Variants in ZBTB4 observed in about 807,000 individuals in gnomAD.
ZBTB4 encodes the protein zinc finger and BTB domain-containing protein 4.
Under a neutral mutation model 59.8 loss-of-function variants are expected in ZBTB4, and 14 were observed. The ratio of observed to expected loss-of-function variants is 0.23; its 90% CI spans 0.15 to 0.37. ZBTB4 has a LOEUF of 0.37. ZBTB4 is among the 10% of genes least tolerant of loss of function. The pLI is 1.00. For missense variants in ZBTB4, 1,198 were observed against 1,380.8 expected, an observed-to-expected ratio of 0.87 and a Z score of 2.10; for synonymous variants, 587 against 575.2, an observed-to-expected ratio of 1.02 and a Z score of -0.29.
chr17:7,466,844 C>CA lies in ZBTB4; in HGVS notation c.-9-35dup. 3 of 1,487,942 alleles carry CA rather than the reference C, an allele frequency of 2.0e-6. No homozygotes were observed. In the South Asian group the frequency reaches 3.9e-5, roughly 19 times the overall value. 92.2% of individuals were successfully genotyped at this position (1,487,942 alleles called of 1,614,324 possible). A position where few individuals can be genotyped will look rare whatever the true frequency, so the allele number is the denominator to read the frequency against. On this transcript the variant is annotated intron_variant, in intron 2 of 3. Transcript: ENST00000380599. The surrounding 1 kb of genome is among the most constrained non-coding windows in gnomAD (Gnocchi z 9.1). ...TGGGAGAAGAGGCCGGGTAGAGTCTCAGAGGCTGGGCAGAGGGCAGGGGCT... is the reference window on the plus strand; with the variant it reads ...TGGGAGAAGAGGCCGGGTAGAGTCTCAAGAGGCTGGGCAGAGGGCAGGGGCT...
chr17:7,472,523 G>T (rs2070212067), intron 1 of ZBTB4, among the ~76,000 whole-genome samples: 1 of 151,124 alleles, frequency 6.6e-6, no homozygotes, highest in Admixed American at 6.6e-5. Context: ...TAGAGGTGGG[G>T]TTTCACCATG....
At chr17:7,473,680 C>CT (rs1376902910) in intron 1 of ZBTB4, among the ~76,000 whole-genome samples, 2 of 151,886 alleles carry the variant, frequency 1.3e-5, no homozygotes, top group Admixed American at 1.3e-4. Flanking sequence ...TTCTGAGTAG[C>CT]TGGGACTACA....
intron 1 of ZBTB4, among the ~76,000 whole-genome samples, chr17:7,474,237 A>C (rs2070238808): frequency 1.5e-4 from 1 of 6,738 alleles, no homozygotes; most frequent in Admixed American, 1.3e-3. Flanking sequence ...TTTTTTTGAC[A>C]TGAGGTCTTG....
At chr17:7,468,051 C>T (rs543753470) in intron 1 of ZBTB4, among the ~76,000 whole-genome samples, 1 of 152,348 alleles carries the variant, frequency 6.6e-6, no homozygotes, top group African/African-American at 2.4e-5. Flanking sequence ...ACTCCTACCT[C>T]ACCTCTTGCT....
chr17:7,462,129 G>C lies in ZBTB4; in HGVS notation c.2853C>G (p.Val951=). 6.2e-7 allele frequency: 1 copy of C among 1,613,692 alleles called. No homozygotes were observed. The highest frequency in any genetic ancestry group is 8.5e-7 in the Non-Finnish European group (1 of 1,179,820). Residue 951 remains valine (V), a synonymous_variant, in exon 4 of 4, where the codon GTC becomes GTG. Coordinates refer to ENST00000380599, the MANE Select transcript of ZBTB4 (RefSeq NM_001128833.2). The surrounding 1 kb of genome is among the most constrained non-coding windows in gnomAD (Gnocchi z 7.5). ...LAALPVALNM[V]LPDEKGAGAL... is the part of the protein sequence containing the mutation. ...CCCCCGCACCCTTCTCATCAGGTAG[G>C]ACCATGTTGAGAGCAACCGGGAGAG...
At position 7,460,205 on chromosome 17, in the gene ZBTB4, T is replaced by A. The variant is rs988973640; in HGVS notation, c.*1735A>T. 1.3e-5 allele frequency: 2 copies of A among 152,602 alleles called. No homozygotes were observed. The highest frequency in any genetic ancestry group is 4.8e-5 in the African/African-American group (2 of 41,438). 9.5% of individuals were successfully genotyped at this position (152,602 alleles called of 1,614,324 possible). Reference sequence around the variant, plus strand: ...TCAGTAGGAAATTCGTCACTCAGGCTGTGGCCAAGACCAAGAAAAGTGCAA... The same window carrying A: ...TCAGTAGGAAATTCGTCACTCAGGCAGTGGCCAAGACCAAGAAAAGTGCAA... On this transcript the variant is annotated 3_prime_UTR_variant, in exon 4 of 4. Coordinates refer to ENST00000380599, the MANE Select transcript of ZBTB4 (RefSeq NM_001128833.2).
chr17:7,478,799 C>G (rs1426390365), intron 1 of ZBTB4, among the ~76,000 whole-genome samples: 1 of 152,236 alleles, frequency 6.6e-6, no homozygotes, highest in Non-Finnish European at 1.5e-5. Context: ...ACTGGACACC[C>G]TTCCTGGCTT....
Position 7,459,684 on chromosome 17 carries a change from T to C in ZBTB4, c.*2256A>G, listed in dbSNP as rs529294062. On this transcript the variant is annotated 3_prime_UTR_variant, in exon 4 of 4. Transcript: ENST00000380599. Reference sequence around the variant, plus strand: ...CAATATTCAAATTCCCCAGCTCAAATACATATATTTTAATCTCCACGTCGC... The same window carrying C: ...CAATATTCAAATTCCCCAGCTCAAACACATATATTTTAATCTCCACGTCGC... 2.6e-5 allele frequency: 4 copies of C among 152,462 alleles called. No homozygotes were observed. Among genetic ancestry groups the C allele is most frequent in the African/African-American group, 9.6e-5 (4 of 41,506 alleles). The allele number at this position is 152,462 out of a possible 1,614,324, so 9.4% of individuals were successfully genotyped here.
chr17:7,465,890 G>A lies in ZBTB4; in HGVS notation c.912C>T (p.Gly304=), dbSNP rs180908284. ...CCGCGCACACATACAGCACGTGGCC[G>A]CCCACCACCTTCACCACGTGCTCGG... The part of the protein sequence containing the change: ...GGPEHVVKVV[G]GHVLYVCAAC... The change falls in exon 3 of 4, where the codon GGC becomes GGT. Residue 304 remains glycine, a synonymous_variant. Coordinates refer to ENST00000380599, the MANE Select transcript of ZBTB4 (RefSeq NM_001128833.2). 2.0e-5 allele frequency: 33 copies of A among 1,613,342 alleles called. No homozygotes were observed. The highest frequency in any genetic ancestry group is 8.3e-5 in the Admixed American group (5 of 59,988).
chr17:7,466,790 A>T lies in ZBTB4; in HGVS notation c.12T>A (p.Pro4=). The change falls in exon 3 of 4, where the codon CCT becomes CCA. Residue 4 remains proline (P), a synonymous_variant. Coordinates refer to ENST00000380599, the MANE Select transcript of ZBTB4 (RefSeq NM_001128833.2). This position sits in a 1 kb window ranked among gnomAD's most constrained non-coding sequence, Gnocchi z 9.1. The part of the protein sequence containing the change: MPP[P]AEVTDPSHAP... ...CATGGGACGGGTCCGTCACCTCTGC[A>T]GGGGGGGGCATGGTGCCAGCCTAGA... is the stretch of plus-strand genomic sequence containing the variant. 6.4e-7 allele frequency: 1 copy of T among 1,562,250 alleles called. No homozygotes were observed. The highest frequency in any genetic ancestry group is 8.7e-7 in the Non-Finnish European group (1 of 1,155,932).
rs898669107 is a variant in ZBTB4, at chr17:7,475,579, G to A, written c.-81+3877C>T. Among the ~76,000 whole-genome samples, 19 of 152,166 alleles carry A rather than the reference G, an allele frequency of 1.2e-4. No homozygotes were observed. The South Asian group carries it at 1.7e-3, about 13-fold the overall frequency. On this transcript the variant is annotated intron_variant, in intron 1 of 3. Transcript: ENST00000380599. ...CAATTCTCCTGCCTCAGCCTCCAGAGTAGCTGGGATTCCACGCCCAGCTAG... is the reference window on the plus strand; with the variant it reads ...CAATTCTCCTGCCTCAGCCTCCAGAATAGCTGGGATTCCACGCCCAGCTAG...
rs755167452 is a variant in ZBTB4, at chr17:7,466,199, G to T, written c.603C>A (p.Asp201Glu). ...APMATSQPEE[D>E]SFGPGPRPAG... ...CTGGCCTGGGCCCGGGCCCAAAGCT[G>T]TCCTCTTCAGGCTGCGAGGTGGCCA... is the stretch of plus-strand genomic sequence containing the variant. The change falls in exon 3 of 4, where the codon GAC becomes GAA. Residue 201 changes from aspartate (D) to glutamate (E), a missense_variant. By Grantham distance (45) the Asp-to-Glu change is conservative. Coordinates refer to ENST00000380599, the MANE Select transcript of ZBTB4 (RefSeq NM_001128833.2). The surrounding 1 kb of genome is among the most constrained non-coding windows in gnomAD (Gnocchi z 9.1). The T allele has an allele frequency of 1.2e-6, 2 of 1,613,494 alleles. No homozygotes were observed. Among genetic ancestry groups the T allele is most frequent in the Non-Finnish European group, 8.5e-7 (1 of 1,179,984 alleles).
At position 7,474,220 on chromosome 17, in the gene ZBTB4, C is replaced by CTTTTTT. The variant is rs67462449; in HGVS notation, c.-81+5230_-81+5235dup. On this transcript the variant is annotated intron_variant, in intron 1 of 3. Coordinates refer to ENST00000380599, the MANE Select transcript of ZBTB4 (RefSeq NM_001128833.2). Reference sequence around the variant, plus strand: ...ACAGGCATGAGCCACCATGGCCAGACTTTTTTTTTTTTTGACATGAGGTCT... The same window carrying CTTTTTT: ...ACAGGCATGAGCCACCATGGCCAGACTTTTTTTTTTTTTTTTTTTGACATGAGGTCT... Among the ~76,000 whole-genome samples, 7 of 116,116 alleles carry CTTTTTT rather than the reference C, an allele frequency of 6.0e-5. 2 individuals are homozygous for CTTTTTT. The highest frequency in any genetic ancestry group is 9.5e-5 in the Admixed American group (1 of 10,546). 76.2% of individuals were successfully genotyped at this position (116,116 alleles called of 152,430 possible). A position where few individuals can be genotyped will look rare whatever the true frequency, so the allele number is the denominator to read the frequency against.
chr17:7,481,557 A>G (rs376260491), upstream of ZBTB4: 15 of 1,461,236 alleles, frequency 1.0e-5, no homozygotes, highest in South Asian at 1.8e-4. Context: ...CTCCCTCCCT[A>G]TAGCTCCTGG....
chr17:7,462,083 C>A lies in ZBTB4; in HGVS notation c.2899G>T (p.Val967Phe). The change falls in exon 4 of 4, where the codon GTC becomes TTC. Residue 967 changes from valine (V) to phenylalanine (F), a missense_variant. By Grantham distance (50) the Val-to-Phe change is conservative. Around this residue, in one of 9 missense-constraint regions of ZBTB4, gnomAD observed 211 missense variants for 236.1 expected, o/e 0.89. Transcript: ENST00000380599. This position sits in a 1 kb window ranked among gnomAD's most constrained non-coding sequence, Gnocchi z 7.5. ...GAGALPFLPGVFGYAVNPQAA... is the reference protein window; with the variant it reads ...GAGALPFLPGFFGYAVNPQAA... ...TGAGGATTCACTGCGTAGCCAAAGA[C>A]CCCTGGTAGGAAGGGAAGGGCCCCC... 1 of 1,602,758 alleles carries A rather than the reference C, an allele frequency of 6.2e-7. No homozygotes were observed. Among genetic ancestry groups the A allele is most frequent in the Non-Finnish European group, 8.5e-7 (1 of 1,173,796 alleles).
chr17:7,465,511 T>C (rs757078062), intron 3 of ZBTB4, among the ~76,000 whole-genome samples, 200 bp downstream of exon 3: 1 of 151,196 alleles, frequency 6.6e-6, no homozygotes, highest in Non-Finnish European at 1.5e-5. Context: ...AGATGGGGTC[T>C]CTATGTTGTC....
At chr17:7,468,186 C>T (rs1239416757) in intron 1 of ZBTB4, among the ~76,000 whole-genome samples, 1 of 152,200 alleles carries the variant, frequency 6.6e-6, no homozygotes, top group African/African-American at 2.4e-5. Flanking sequence ...GCCTGACCAA[C>T]ATGGTGAAAC....
chr17:7,465,092 C>T (rs972662997), intron 3 of ZBTB4, among the ~76,000 whole-genome samples: 1 of 140,162 alleles, frequency 7.1e-6, no homozygotes, highest in Non-Finnish European at 1.5e-5. Context: ...GGAAGTGGAG[C>T]TTGCAGTGAG....
upstream of ZBTB4, among the ~76,000 whole-genome samples, chr17:7,481,037 T>A (rs2070338533): frequency 6.6e-6 from 1 of 151,838 alleles, no homozygotes; most frequent in South Asian, 2.1e-4. Flanking sequence ...CACATGCCTG[T>A]AATCCCAGGT....
Sources: allele counts gnomAD v4.1 joint callset (sites outside exome capture counted in the v4.1 genomes callset), GRCh38; gene constraint gnomAD v4.1.1; regional missense constraint gnomAD v4.1.1; non-coding constraint Gnocchi (gnomAD v3.1); transcripts MANE v1.5; gene names NCBI Gene and HGNC (gene_info 2026-07-23, HGNC 2026-07-21).